Variants in EPB41L4A observed in about 807,000 individuals in gnomAD.
EPB41L4A encodes the protein erythrocyte membrane protein band 4.1 like 4A, also known as band 4.1-like protein 4A.
A neutral mutation model predicts 108.6 loss-of-function variants in EPB41L4A; 100 were observed. The observed-to-expected ratio is 0.92, with a 90% CI of 0.78 to 1.09. The LOEUF is 1.09. Ranked by LOEUF, EPB41L4A falls within the 50% of genes least tolerant of loss-of-function variation. The pLI, the probability that EPB41L4A is intolerant of heterozygous loss-of-function variation, is 0.00. For missense variants in EPB41L4A, 1,030 were observed against 842.7 expected (o/e 1.22, Z -2.75); for synonymous variants, 319 against 289.0 (o/e 1.10, Z -1.05).
At chr5:112,260,237 G>A (rs1207763698) in intron 7 of EPB41L4A, among the ~76,000 whole-genome samples, 1 of 152,158 alleles carries the variant, frequency 6.6e-6, no homozygotes, top group Non-Finnish European at 1.5e-5. Flanking sequence ...CTACCAGTCA[G>A]GCCAATGGGA....
At chr5:112,343,749 CAAAT>C (rs1161841691) in intron 1 of EPB41L4A, among the ~76,000 whole-genome samples, 3 of 152,024 alleles carry the variant, frequency 2.0e-5, no homozygotes, top group African/African-American at 7.2e-5. Context: ...TTTTTTTCAA[CAAAT>C]AAATAGCAAG....
At chr5:112,386,841 A>G (rs968405791) in intron 1 of EPB41L4A, among the ~76,000 whole-genome samples, 1 of 152,234 alleles carries the variant, frequency 6.6e-6, no homozygotes, top group African/African-American at 2.4e-5. Context: ...TTCTCCAGCA[A>G]TAAAGGCAAA....
intron 1 of EPB41L4A, among the ~76,000 whole-genome samples, chr5:112,360,094 C>A (rs1313750212): frequency 6.6e-6 from 1 of 152,066 alleles, no homozygotes; most frequent in Non-Finnish European, 1.5e-5. Context: ...TGCCTGTAAC[C>A]CCAGCTACAG....
chr5:112,328,455 T>C (rs1325645621), intron 1 of EPB41L4A, among the ~76,000 whole-genome samples: 1 of 152,244 alleles, frequency 6.6e-6, no homozygotes, highest in East Asian at 1.9e-4. Context: ...CACTTTTCCA[T>C]GGTTATATCT....
At chr5:112,190,357 C>A (rs1466957595) in intron 17 of EPB41L4A, among the ~76,000 whole-genome samples, 2 of 152,114 alleles carry the variant, frequency 1.3e-5, no homozygotes, top group African/African-American at 4.8e-5. Flanking sequence ...ATAAAAACTA[C>A]AGACCCTATC....
At chr5:112,168,359 T>C (rs918797672) in intron 22 of EPB41L4A, among the ~76,000 whole-genome samples, 2 of 152,250 alleles carry the variant, frequency 1.3e-5, no homozygotes, top group African/African-American at 4.8e-5. Flanking sequence ...TTCTTCTGTC[T>C]GCTATCAGTT....
chr5:112,261,492 C>G (rs1014864861), intron 7 of EPB41L4A, among the ~76,000 whole-genome samples: 14 of 152,274 alleles, frequency 9.2e-5, no homozygotes, highest in African/African-American at 2.9e-4. Flanking sequence ...TAAAATTTAA[C>G]TATTGCTATC....
chr5:112,375,324 CACACACACACA>C (rs1759746853), intron 1 of EPB41L4A, among the ~76,000 whole-genome samples: 3 of 143,766 alleles, frequency 2.1e-5, no homozygotes, highest in African/African-American at 8.7e-5. Flanking sequence ...CTCTCTCTCG[CACACACACACA>C]TACACACACA....
At chr5:112,326,720 C>T (rs1057001735) in intron 1 of EPB41L4A, among the ~76,000 whole-genome samples, 2 of 152,184 alleles carry the variant, frequency 1.3e-5, no homozygotes, top group African/African-American at 4.8e-5. Flanking sequence ...CCACTGTCTT[C>T]TGTTTTCATT....
At chr5:112,172,311 A>G (rs10054719) in intron 18 of EPB41L4A, among the ~76,000 whole-genome samples, 112,424 of 151,964 alleles carry the variant, frequency 0.74, 42,719 homozygotes, top group East Asian at 1. Flanking sequence ...AGGAGTTCAA[A>G]ACCAGCCTGG....
In EPB41L4A at chr5:112,311,157, C is replaced by A. The variant is rs565510720; in HGVS notation, c.100-3667G>T. 7.2e-5 allele frequency among the ~76,000 whole-genome samples: 11 copies of A among 152,270 alleles called. No individual in the cohort carries two copies. The South Asian group carries it at 2.3e-3, about 32-fold the overall frequency. ...GGGACTACAGGCATGCACCACCACA[C>A]CCGGCTACAGCATTCTTGAGGTACA... On this transcript the variant is annotated intron_variant, in intron 1 of 22. Coordinates refer to ENST00000261486, the MANE Select transcript of EPB41L4A (RefSeq NM_022140.5).
chr5:112,274,357 T>C (rs368918824), intron 4 of EPB41L4A, among the ~76,000 whole-genome samples: 1 of 152,140 alleles, frequency 6.6e-6, no homozygotes, highest in Non-Finnish European at 1.5e-5. Context: ...CAAAAGATTA[T>C]ATCTTAAGTT....
intron 1 of EPB41L4A, among the ~76,000 whole-genome samples, chr5:112,377,596 A>T (rs939683790): frequency 6.6e-6 from 1 of 152,150 alleles, no homozygotes; most frequent in African/African-American, 2.4e-5. Context: ...TTTATTCAAT[A>T]AAAAGGGGGC....
chr5:112,273,658 C>G (rs1035351400), intron 4 of EPB41L4A, among the ~76,000 whole-genome samples: 2 of 152,164 alleles, frequency 1.3e-5, no homozygotes, highest in African/African-American at 4.8e-5. Flanking sequence ...AGGTACATCT[C>G]CAGTTTTACA....
rs559725039 is a variant in EPB41L4A at position 112,262,071 on chromosome 5, T to C, written c.642+423A>G. Among the ~76,000 whole-genome samples the C allele has an allele frequency of 2.6e-5, 4 of 152,152 alleles. No individual in the cohort carries two copies. In the South Asian group the frequency reaches 8.3e-4, roughly 32 times the overall value. ...CACGTCCAGCTAATTTTTGTATTTT[T>C]AGTAGAGTCAGGGTTTCGCCATGTT... is the stretch of plus-strand genomic sequence containing the variant. On this transcript the variant is annotated intron_variant, in intron 7 of 22. Transcript: ENST00000261486.
chr5:112,362,267 GC>G (rs1758815862), intron 1 of EPB41L4A, among the ~76,000 whole-genome samples: 1 of 144,100 alleles, frequency 6.9e-6, no homozygotes, highest in Non-Finnish European at 1.5e-5. Flanking sequence ...ACCATGCCCA[GC>G]TTAGAGCATT....
At chr5:112,245,340 A>G (rs775179337) in intron 9 of EPB41L4A, among the ~76,000 whole-genome samples, 1 of 152,202 alleles carries the variant, frequency 6.6e-6, no homozygotes, top group Non-Finnish European at 1.5e-5. Flanking sequence ...TAAACATAAA[A>G]CAATCAATGC....
chr5:112,318,962 C>T (rs1379348461), intron 1 of EPB41L4A, among the ~76,000 whole-genome samples: 1 of 152,128 alleles, frequency 6.6e-6, no homozygotes, highest in Non-Finnish European at 1.5e-5. Context: ...TATGGGTTAC[C>T]ATGAAGCACG....
At chr5:112,407,473 G>A (rs1029670167) in intron 1 of EPB41L4A, among the ~76,000 whole-genome samples, 8 of 152,166 alleles carry the variant, frequency 5.3e-5, no homozygotes, top group Non-Finnish European at 1.0e-4. Flanking sequence ...TTTAGAAGCA[G>A]TCTTCCAGCT....
Sources: allele counts gnomAD v4.1 joint callset (sites outside exome capture counted in the v4.1 genomes callset), GRCh38; gene constraint gnomAD v4.1.1; transcripts MANE v1.5; gene names NCBI Gene and HGNC (gene_info 2026-07-23, HGNC 2026-07-21).